TFCP2L1: variants seen among roughly 807,000 people sequenced by gnomAD.
The protein encoded by TFCP2L1 is transcription factor CP2-like protein 1.
A neutral mutation model predicts 72.2 loss-of-function variants in TFCP2L1; 12 were observed. The ratio of observed to expected loss-of-function variants is 0.17; its 90% CI spans 0.11 to 0.27. The LOEUF is 0.27. TFCP2L1 is among the 10% of genes least tolerant of loss of function. TFCP2L1 has a pLI of 1.00. For synonymous variants in TFCP2L1, 260 were observed against 251.0 expected (o/e 1.04, Z -0.34); for missense variants, 488 against 624.6 (o/e 0.78, Z 2.33).
At chr2:121,262,286 G>A (rs1204264546) in intron 2 of TFCP2L1, among the ~76,000 whole-genome samples, 1 of 152,120 alleles carries the variant, frequency 6.6e-6, no homozygotes, top group Non-Finnish European at 1.5e-5. Flanking sequence ...CCAACATGGT[G>A]AAACCCTGTC....
chr2:121,243,816 TTTC>T (rs1686428254), intron 6 of TFCP2L1, among the ~76,000 whole-genome samples: 1 of 152,086 alleles, frequency 6.6e-6, no homozygotes, highest in Non-Finnish European at 1.5e-5. Flanking sequence ...TGTATAATTA[TTTC>T]ATTATATATT....
chr2:121,239,775 G>A (rs1483521493), intron 7 of TFCP2L1, 126 bp from the exon 8 acceptor site: 21 of 954,710 alleles, frequency 2.2e-5, no homozygotes, highest in African/African-American at 5.0e-5. Flanking sequence ...CGCAGCCTGC[G>A]TTTACCCAGT....
At chr2:121,235,741 T>A in intron 10 of TFCP2L1, among the ~76,000 whole-genome samples, 1 of 151,294 alleles carries the variant, frequency 6.6e-6, no homozygotes, top group East Asian at 1.9e-4. Flanking sequence ...TTTTTTGACA[T>A]ATAATCTGTA....
At chr2:121,233,979 C>T in intron 12 of TFCP2L1, 112 bp downstream of exon 12, 1 of 950,080 alleles carries the variant, frequency 1.1e-6, no homozygotes, top group Admixed American at 1.8e-5. Flanking sequence ...CATGTGGGAG[C>T]CCAGGACTGT....
At chr2:121,269,764 C>T (rs893690271) in intron 2 of TFCP2L1, among the ~76,000 whole-genome samples, 1 of 151,774 alleles carries the variant, frequency 6.6e-6, no homozygotes. Context: ...CAAAAATTAG[C>T]CAGGCGTGGT....
chr2:121,272,086 A>T (rs1687058819), intron 2 of TFCP2L1, among the ~76,000 whole-genome samples: 1 of 152,130 alleles, frequency 6.6e-6, no homozygotes, highest in Admixed American at 6.5e-5. Flanking sequence ...GAACTCCAAG[A>T]AAAAGCAGCC....
chr2:121,230,373 T>C (rs1686116919), intron 13 of TFCP2L1, among the ~76,000 whole-genome samples: 3 of 152,118 alleles, frequency 2.0e-5, no homozygotes, highest in Non-Finnish European at 2.9e-5. Context: ...GGTTTCTCCA[T>C]GTTGGCCAGG....
At chr2:121,253,353 T>C (rs1233461378) in intron 2 of TFCP2L1, among the ~76,000 whole-genome samples, 1 of 152,150 alleles carries the variant, frequency 6.6e-6, no homozygotes, top group Non-Finnish European at 1.5e-5. Context: ...CCTAAAAAGG[T>C]CTTGCTTCCC....
chr2:121,282,373 G>A (rs1687282061), intron 1 of TFCP2L1, among the ~76,000 whole-genome samples: 2 of 143,476 alleles, frequency 1.4e-5, no homozygotes, highest in Non-Finnish European at 3.0e-5. Flanking sequence ...ACTTAGGGAG[G>A]AACTTGTTTC....
At chr2:121,255,844 G>A (rs759278776) in intron 2 of TFCP2L1, among the ~76,000 whole-genome samples, 7 of 151,694 alleles carry the variant, frequency 4.6e-5, no homozygotes, top group African/African-American at 1.2e-4. Context: ...CCGGGTTCAC[G>A]CCATTCTCCT....
At chr2:121,282,246 T>C (rs1163421734) in intron 1 of TFCP2L1, among the ~76,000 whole-genome samples, 1 of 150,874 alleles carries the variant, frequency 6.6e-6, no homozygotes, top group Non-Finnish European at 1.5e-5. Context: ...TCTATTTTCT[T>C]ATCCAAGTGG....
intron 2 of TFCP2L1, among the ~76,000 whole-genome samples, chr2:121,274,391 G>A (rs1392422478): frequency 5.3e-5 from 8 of 152,020 alleles, no homozygotes; most frequent in Non-Finnish European, 1.0e-4. Flanking sequence ...CCACATGGGC[G>A]GCTGAGATCA....
rs1558719958 is a variant in TFCP2L1, at chr2:121,216,994, C to CA, written c.*7346dup. 2.0e-5 allele frequency: 3 copies of CA among 152,420 alleles called. No homozygotes were observed. The highest frequency in any genetic ancestry group is 4.4e-5 in the Non-Finnish European group (3 of 68,184). The allele number at this position is 152,420 out of a possible 1,614,324, so 9.4% of individuals were successfully genotyped here. On this transcript the variant is annotated 3_prime_UTR_variant, in exon 15 of 15. Coordinates refer to ENST00000263707, the MANE Select transcript of TFCP2L1 (RefSeq NM_014553.3). ...TCTGTGGTTAACCAAGCAAGCCCCGCAAAGCTTTTCCCAGCAGAGCACACC... is the reference window on the plus strand; with the variant it reads ...TCTGTGGTTAACCAAGCAAGCCCCGCAAAAGCTTTTCCCAGCAGAGCACACC...
chr2:121,228,596 C>T (rs1686078530), intron 13 of TFCP2L1, among the ~76,000 whole-genome samples: 1 of 130,878 alleles, frequency 7.6e-6, no homozygotes, highest in Admixed American at 7.5e-5. Flanking sequence ...GTTGTCTCTA[C>T]AAAAAATTAA....
In TFCP2L1 at chr2:121,224,982, CA is replaced by C. The variant is rs34800606; in HGVS notation, c.1393+579del. 9.7e-3 allele frequency among the ~76,000 whole-genome samples: 1,070 copies of C among 110,824 alleles called. 12 individuals are homozygous for C. Among genetic ancestry groups the C allele is most frequent in the African/African-American group, 0.02 (605 of 30,254 alleles). 72.7% of individuals were successfully genotyped at this position (110,824 alleles called of 152,430 possible). On this transcript the variant is annotated intron_variant, in intron 14 of 14. Transcript: ENST00000263707. ...CCTGGGTGACAGAGCAAGACTCCAT[CA>C]AAAAAAAAAAAAAAAAGACACTCGG...
intron 8 of TFCP2L1, among the ~76,000 whole-genome samples, chr2:121,238,704 G>C (rs1686301077): frequency 6.6e-6 from 1 of 151,940 alleles, no homozygotes; most frequent in African/African-American, 2.4e-5. Context: ...ACCCCCTTTT[G>C]TAGTAGAGAA....
At chr2:121,257,878 T>C (rs776490941) in intron 2 of TFCP2L1, among the ~76,000 whole-genome samples, 1 of 151,820 alleles carries the variant, frequency 6.6e-6, no homozygotes, top group African/African-American at 2.4e-5. Context: ...CCCTCCCTCC[T>C]TGAATGAGGG....
rs1466084290 is a variant in TFCP2L1, at chr2:121,274,434, G to GT, written c.214+6685dup. Among the ~76,000 whole-genome samples the GT allele has an allele frequency of 3.9e-5, 6 of 152,032 alleles. No homozygotes were observed. In the East Asian group the frequency reaches 9.6e-4, roughly 24 times the overall value. On this transcript the variant is annotated intron_variant, in intron 2 of 14. Coordinates refer to ENST00000263707, the MANE Select transcript of TFCP2L1 (RefSeq NM_014553.3). ...TGATGACTCGATGTACACAAGCTTTGTTTTATAAACAAAATTATTTAAAAT... is the reference window on the plus strand; with the variant it reads ...TGATGACTCGATGTACACAAGCTTTGTTTTTATAAACAAAATTATTTAAAAT...
intron 1 of TFCP2L1, among the ~76,000 whole-genome samples, chr2:121,284,128 G>T (rs1687319220): frequency 1.3e-5 from 2 of 152,222 alleles, no homozygotes; most frequent in Admixed American, 6.5e-5. Flanking sequence ...CTTAAAGGTA[G>T]CTCTAGTATG....
Sources: gnomAD v4.1 joint callset for allele counts (sites outside exome capture counted in the v4.1 genomes callset) on GRCh38, gnomAD v4.1.1 for gene constraint, MANE v1.5 for transcripts, NCBI Gene and HGNC (gene_info 2026-07-23, HGNC 2026-07-21) for gene names.